KATNBL1: variants seen among roughly 807,000 people sequenced by gnomAD.
The protein encoded by KATNBL1 is KATNB1-like protein 1.
In KATNBL1, 28 loss-of-function variants were observed where a neutral mutation model predicts 44.7. The observed-to-expected ratio is 0.63, with a 90% CI of 0.46 to 0.86. The LOEUF (loss-of-function observed/expected upper bound fraction) is 0.86, where lower values mean the gene tolerates loss of function less well. Among genes scored for constraint, KATNBL1 ranks in the 40% least tolerant of loss-of-function variants. KATNBL1 has a pLI of 0.00. For missense variants in KATNBL1, 272 were observed against 350.7 expected, an observed-to-expected ratio of 0.78 and a Z score of 1.79; for synonymous variants, 78 against 114.9, an observed-to-expected ratio of 0.68 and a Z score of 2.06.
chr15:34,150,684 G>C (rs553995288), intron 4 of KATNBL1, among the ~76,000 whole-genome samples: 1 of 152,310 alleles, frequency 6.6e-6, no homozygotes, highest in Admixed American at 6.5e-5. Flanking sequence ...TGGGGGTTTG[G>C]TGTACAGATT....
At chr15:34,205,487 T>A (rs1890271253) in intron 1 of KATNBL1, among the ~76,000 whole-genome samples, 1 of 152,214 alleles carries the variant, frequency 6.6e-6, no homozygotes, top group South Asian at 2.1e-4. Context: ...AAGCTGGCAC[T>A]TAAGTATGTG....
rs920103286 is a variant in KATNBL1, at chr15:34,148,477, A to G, written c.557+155T>C. On this transcript the variant is annotated intron_variant, in intron 5 of 9. Coordinates refer to ENST00000256544, the MANE Select transcript of KATNBL1 (RefSeq NM_024713.3). ...GTGATGTGCACCTGTACTCTCAGCT[A>G]CTCAGGAGGCTGAGGTGGGAGGGCT... 7.4e-6 allele frequency: 4 copies of G among 539,368 alleles called. No individual in the cohort carries two copies. The Admixed American group carries it at 1.3e-4, about 18-fold the overall frequency. The allele number at this position is 539,368 out of a possible 1,614,324, so 33.4% of individuals were successfully genotyped here. A position where few individuals can be genotyped will look rare whatever the true frequency, so the allele number is the denominator to read the frequency against.
chr15:34,155,371 G>GT (rs1888607112), intron 2 of KATNBL1, among the ~76,000 whole-genome samples: 1 of 152,158 alleles, frequency 6.6e-6, no homozygotes, highest in South Asian at 2.1e-4. Flanking sequence ...AGTAAGGGCT[G>GT]TTTCTGTATG....
intron 4 of KATNBL1, 83 bp downstream of exon 4, chr15:34,152,707 G>C: frequency 9.1e-7 from 1 of 1,103,470 alleles, no homozygotes; most frequent in Non-Finnish European, 1.3e-6. Context: ...AAATTATTCT[G>C]CTAGTGGAAT....
At chr15:34,183,017 T>C (rs1263013529) in intron 1 of KATNBL1, among the ~76,000 whole-genome samples, 1 of 152,236 alleles carries the variant, frequency 6.6e-6, no homozygotes, top group Non-Finnish European at 1.5e-5. Context: ...ACTAGACTCC[T>C]TGGATACCTG....
chr15:34,160,786 A>G (rs1888776923), intron 2 of KATNBL1, among the ~76,000 whole-genome samples: 1 of 152,026 alleles, frequency 6.6e-6, no homozygotes, highest in East Asian at 1.9e-4. Context: ...AATCTCCCCT[A>G]CTGGAGATTT....
intron 1 of KATNBL1, among the ~76,000 whole-genome samples, chr15:34,179,225 C>A (rs940878784): frequency 6.6e-6 from 1 of 152,170 alleles, no homozygotes; most frequent in African/African-American, 2.4e-5. Flanking sequence ...GGGCCCATAT[C>A]TAGCAAGGGC....
intron 1 of KATNBL1, chr15:34,198,194 A>G (rs1185152471): frequency 6.6e-6 from 1 of 152,234 alleles, no homozygotes; most frequent in African/African-American, 2.4e-5. Context: ...CAGTGACCTA[A>G]ACCATTCTAA....
intron 1 of KATNBL1, among the ~76,000 whole-genome samples, chr15:34,201,185 A>G (rs1229734643): frequency 6.6e-6 from 1 of 152,230 alleles, no homozygotes; most frequent in Non-Finnish European, 1.5e-5. Flanking sequence ...TGGGAAAATA[A>G]AATTAAAGAA....
intron 1 of KATNBL1, among the ~76,000 whole-genome samples, chr15:34,187,412 G>A (rs893402333): frequency 7.9e-5 from 12 of 152,042 alleles, no homozygotes; most frequent in Admixed American, 6.6e-5. Context: ...ATTCTTCCTG[G>A]ACACAGGACA....
rs532133676 is a variant in KATNBL1 at position 34,148,826 on chromosome 15, T to C, written c.439-76A>G. On this transcript the variant is annotated intron_variant, in intron 4 of 9. Coordinates refer to ENST00000256544, the MANE Select transcript of KATNBL1 (RefSeq NM_024713.3). ...AAACTATTTTTTTATTAAATCGTTC[T>C]GGTAGACATAGTTAAAAATCATGCA... The C allele has an allele frequency of 2.2e-5, 18 of 821,670 alleles. No individual in the cohort carries two copies. In the East Asian group the frequency reaches 4.3e-4, roughly 20 times the overall value. 50.9% of individuals were successfully genotyped at this position (821,670 alleles called of 1,614,324 possible).
chr15:34,180,095 T>G (rs1334160899), intron 1 of KATNBL1, among the ~76,000 whole-genome samples: 1 of 152,180 alleles, frequency 6.6e-6, no homozygotes, highest in Non-Finnish European at 1.5e-5. Flanking sequence ...ATCTTTGATT[T>G]CTCCCTTTGA....
chr15:34,207,657 G>C (rs898426393), intron 1 of KATNBL1, among the ~76,000 whole-genome samples: 3 of 151,834 alleles, frequency 2.0e-5, no homozygotes, highest in Non-Finnish European at 4.4e-5. Context: ...CTGAAGTGCA[G>C]TGGCACAATC....
chr15:34,163,044 A>G (rs539829093), intron 2 of KATNBL1, among the ~76,000 whole-genome samples: 1 of 98,878 alleles, frequency 1.0e-5, no homozygotes, highest in South Asian at 3.4e-4. Flanking sequence ...CTGACTAAAA[A>G]CTTTTTTTTT....
intron 1 of KATNBL1, among the ~76,000 whole-genome samples, chr15:34,167,131 G>A (rs997222043): frequency 2.6e-5 from 4 of 152,038 alleles, no homozygotes; most frequent in Admixed American, 1.3e-4. Context: ...TCAGAAGGTC[G>A]GTAATAACAA....
At chr15:34,191,972 A>T (rs1448803133) in intron 1 of KATNBL1, among the ~76,000 whole-genome samples, 2 of 149,068 alleles carry the variant, frequency 1.3e-5, no homozygotes, top group Admixed American at 1.3e-4. Flanking sequence ...AAAAAAAAAA[A>T]ATCCATCCTA....
chr15:34,146,551 G>A (rs886433733), intron 8 of KATNBL1: 1 of 487,372 alleles, frequency 2.1e-6, no homozygotes, highest in African/African-American at 2.0e-5. Flanking sequence ...TGTGCCAGAA[G>A]AAGAGATACA....
At chr15:34,161,721 A>G (rs918462435) in intron 2 of KATNBL1, among the ~76,000 whole-genome samples, 1 of 152,126 alleles carries the variant, frequency 6.6e-6, no homozygotes, top group African/African-American at 2.4e-5. Context: ...GTGGTGGGAG[A>G]GCAGTTTCAG....
intron 2 of KATNBL1, among the ~76,000 whole-genome samples, chr15:34,155,675 C>T (rs1391182140): frequency 6.6e-6 from 1 of 152,192 alleles, no homozygotes; most frequent in Non-Finnish European, 1.5e-5. Flanking sequence ...CCTTTTTCTG[C>T]TAAAATCATG....
Sources: allele counts gnomAD v4.1 joint callset (sites outside exome capture counted in the v4.1 genomes callset), GRCh38; gene constraint gnomAD v4.1.1; transcripts MANE v1.5; gene names NCBI Gene and HGNC (gene_info 2026-07-23, HGNC 2026-07-21).